TMIGD3: variants seen among roughly 807,000 people sequenced by gnomAD.
TMIGD3 encodes the protein AD026 protein (AD026).
In TMIGD3, 21 loss-of-function variants were observed where a neutral mutation model predicts 28.1. That is an observed-to-expected ratio of 0.75 (90% CI 0.53 to 1.08). The LOEUF is 1.08. Among genes scored for constraint, TMIGD3 ranks in the 50% least tolerant of loss-of-function variants. The probability of loss-of-function intolerance (pLI) is 0.00; values close to 1 mark genes in which losing one functional copy is unlikely to be tolerated. For synonymous variants in TMIGD3, 151 were observed against 162.1 expected (o/e 0.93, Z 0.52); for missense variants, 416 against 435.6 (o/e 0.96, Z 0.40).
intron 1 of TMIGD3, among the ~76,000 whole-genome samples, chr1:111,550,331 TTCAC>T (rs1657210041): frequency 6.6e-6 from 1 of 152,284 alleles, no homozygotes; most frequent in Non-Finnish European, 1.5e-5. Flanking sequence ...TTCATTTACT[TTCAC>T]TCTAATCTTT....
At chr1:111,491,375 T>C (rs1441590521) in intron 1 of TMIGD3, among the ~76,000 whole-genome samples, 1 of 152,244 alleles carries the variant, frequency 6.6e-6, no homozygotes, top group African/African-American at 2.4e-5. Flanking sequence ...GAGATTCATC[T>C]ATGCAGCAGC....
At chr1:111,523,296 G>A (rs943672499) in intron 1 of TMIGD3, among the ~76,000 whole-genome samples, 1 of 152,176 alleles carries the variant, frequency 6.6e-6, no homozygotes, top group Non-Finnish European at 1.5e-5. Flanking sequence ...ATTTTGCATA[G>A]TGAATAGACC....
intron 1 of TMIGD3, chr1:111,500,502 C>A: frequency 6.2e-7 from 1 of 1,614,176 alleles, no homozygotes; most frequent in East Asian, 2.2e-5. Flanking sequence ...ATGACACCAG[C>A]CAGCAAAGGC....
At chr1:111,524,997 T>G (rs2101007463) in intron 1 of TMIGD3, among the ~76,000 whole-genome samples, 2 of 152,372 alleles carry the variant, frequency 1.3e-5, no homozygotes, top group Middle Eastern at 3.4e-3. Flanking sequence ...TTTAGGATTT[T>G]CCTGTTATCT....
At chr1:111,561,424 A>G (rs536782239) in intron 1 of TMIGD3, among the ~76,000 whole-genome samples, 45 of 152,294 alleles carry the variant, frequency 3.0e-4, no homozygotes, top group African/African-American at 9.4e-4. Flanking sequence ...GCCCAGCTCC[A>G]ATCATTAATT....
intron 1 of TMIGD3, among the ~76,000 whole-genome samples, chr1:111,563,186 G>A (rs1032373023): frequency 2.0e-5 from 3 of 152,094 alleles, no homozygotes; most frequent in Non-Finnish European, 4.4e-5. Context: ...GAGGCAGGAG[G>A]ATCGATTTAG....
intron 1 of TMIGD3, among the ~76,000 whole-genome samples, chr1:111,510,714 A>G (rs868177985): frequency 2.5e-4 from 38 of 152,142 alleles, no homozygotes; most frequent in African/African-American, 8.7e-4. Context: ...TGTGCAAGGT[A>G]TAAGAAATGA....
intron 1 of TMIGD3, 89 bp from the exon 2 acceptor site, chr1:111,490,851 C>A: frequency 2.3e-6 from 2 of 883,324 alleles, no homozygotes; most frequent in Non-Finnish European, 3.7e-6. Context: ...CCAGTTAGTC[C>A]AAGCAGTGCT....
chr1:111,489,081 A>C, intron 2 of TMIGD3, 57 bp from the exon 3 acceptor site: 31 of 1,468,084 alleles, frequency 2.1e-5, no homozygotes, highest in Non-Finnish European at 2.6e-5. Context: ...TTGTTCTCTC[A>C]AAACATTGCA....
intron 1 of TMIGD3, among the ~76,000 whole-genome samples, chr1:111,553,311 A>G (rs927963306): frequency 5.9e-5 from 9 of 152,228 alleles, no homozygotes; most frequent in Non-Finnish European, 1.2e-4. Context: ...CTCTGGCAAA[A>G]ACTCATGACA....
At chr1:111,551,304 T>A (rs1657248869) in intron 1 of TMIGD3, among the ~76,000 whole-genome samples, 1 of 152,164 alleles carries the variant, frequency 6.6e-6, no homozygotes, top group African/African-American at 2.4e-5. Context: ...TCTTATATCT[T>A]TTTTGCACCT....
chr1:111,555,741 T>A (rs775572014), intron 1 of TMIGD3, among the ~76,000 whole-genome samples: 7 of 152,106 alleles, frequency 4.6e-5, no homozygotes, highest in Non-Finnish European at 8.8e-5. Flanking sequence ...GCTTACCTTA[T>A]ACCATATACA....
At chr1:111,500,629 G>GGA (rs1655126975) in intron 1 of TMIGD3, 48 of 1,424,100 alleles carry the variant, frequency 3.4e-5, no homozygotes, top group East Asian at 3.2e-4. Context: ...AGCTGGTAAA[G>GGA]GAGAGAGAGA....
intron 1 of TMIGD3, among the ~76,000 whole-genome samples, chr1:111,531,757 G>A (rs1656466456): frequency 6.6e-6 from 1 of 151,818 alleles, no homozygotes. Flanking sequence ...ATTCTATGTT[G>A]CCCAGGCTGT....
At chr1:111,538,271 G>A (rs934046616) in intron 1 of TMIGD3, among the ~76,000 whole-genome samples, 4 of 152,148 alleles carry the variant, frequency 2.6e-5, no homozygotes, top group Non-Finnish European at 4.4e-5. Flanking sequence ...TTGTACCTGG[G>A]CGACTCCTTG....
intron 1 of TMIGD3, among the ~76,000 whole-genome samples, chr1:111,523,863 G>T (rs555578914): frequency 6.6e-6 from 1 of 151,642 alleles, no homozygotes; most frequent in South Asian, 2.1e-4. Context: ...TCAGACTAAG[G>T]TTTATCAATT....
chr1:111,488,650 C>G (rs1347857874), intron 3 of TMIGD3, 27 bp downstream of exon 3: 1 of 1,590,622 alleles, frequency 6.3e-7, no homozygotes, highest in Admixed American at 1.7e-5. Flanking sequence ...GGGTTACATC[C>G]AGCCAGACCC....
chr1:111,530,086 C>T (rs1211009178), intron 1 of TMIGD3, among the ~76,000 whole-genome samples: 3 of 151,990 alleles, frequency 2.0e-5, no homozygotes, highest in Non-Finnish European at 4.4e-5. Flanking sequence ...GGCAGAGGCG[C>T]CCCTCTGTAA....
At chr1:111,486,489 C>T (rs567483644) in intron 4 of TMIGD3, 97 bp downstream of exon 4, 19 of 858,114 alleles carry the variant, frequency 2.2e-5, no homozygotes, top group African/African-American at 8.3e-5. Context: ...GAAAAGTTGT[C>T]GGTGCAAATC....
Sources: gnomAD v4.1 joint callset for allele counts (sites outside exome capture counted in the v4.1 genomes callset) on GRCh38, gnomAD v4.1.1 for gene constraint, MANE v1.5 for transcripts, NCBI Gene and HGNC (gene_info 2026-07-23, HGNC 2026-07-21) for gene names.